Variants in GATA5 observed in about 807,000 individuals in gnomAD.
GATA5 encodes the protein transcription factor GATA-5.
A neutral mutation model predicts 35.0 loss-of-function variants in GATA5; 27 were observed. That is an observed-to-expected ratio of 0.77 (90% CI 0.57 to 1.06). The LOEUF (loss-of-function observed/expected upper bound fraction) is 1.06, where lower values mean the gene tolerates loss of function less well. Ranked by LOEUF, GATA5 falls within the 50% of genes least tolerant of loss-of-function variation. The pLI is 0.00. For missense variants in GATA5, 612 were observed against 580.0 expected (o/e 1.06, Z -0.57); for synonymous variants, 306 against 267.8 (o/e 1.14, Z -1.39).
In GATA5 at chr20:62,475,135, C is replaced by A; in HGVS notation, c.387G>T (p.Pro129=). Residue 129 remains proline, a synonymous_variant, in exon 2 of 7, where the codon CCG becomes CCT. Transcript: ENST00000252997. ...ALLPREQFAA[P]LGRPVGTSYS... The stretch of plus-strand genomic sequence containing the variant: ...ACGAGGTCCCCACCGGCCGCCCAAG[C>A]GGGGCCGCGAACTGTTCTCGAGGCA... The A allele has an allele frequency of 7.3e-7, 1 of 1,365,408 alleles. No individual in the cohort carries two copies. Among genetic ancestry groups the A allele is most frequent in the Non-Finnish European group, 9.5e-7 (1 of 1,056,524 alleles). The allele number at this position is 1,365,408 out of a possible 1,614,324, so 84.6% of individuals were successfully genotyped here. A position where few individuals can be genotyped will look rare whatever the true frequency, so the allele number is the denominator to read the frequency against.
chr20:62,466,464 CG>C lies in GATA5; in HGVS notation c.786del (p.Val263CysfsTer9). The C allele has an allele frequency of 6.3e-7, 1 of 1,583,396 alleles. No individual in the cohort carries two copies. The highest frequency in any genetic ancestry group is 1.2e-5 in the South Asian group (1 of 86,732). On this transcript the variant is annotated frameshift_variant, in exon 4 of 7. Transcript: ENST00000252997. LOFTEE classifies it high-confidence loss of function. The stretch of plus-strand genomic sequence containing the variant: ...ATGTAGAGGCCGCAGGCATTGCACA[CG>C]GGCTCCCCCTCCGAGTTCCGCCGCC... ...TLWRRNSEGEPVCNACGLYMK... is the reference protein window; with the variant it reads ...TLWRRNSEGEXVCNACGLYMK...
chr20:62,471,982 G>A (rs1989734413), intron 3 of GATA5, among the ~76,000 whole-genome samples: 2 of 151,092 alleles, frequency 1.3e-5, no homozygotes, highest in South Asian at 2.1e-4. Context: ...CTGAGCTTAA[G>A]CAATCCTCCT....
rs1424315922 is a variant in GATA5 at position 62,464,553 on chromosome 20, G to A, written c.*283C>T. On this transcript the variant is annotated 3_prime_UTR_variant, in exon 7 of 7. Coordinates refer to ENST00000252997, the MANE Select transcript of GATA5 (RefSeq NM_080473.5). ...GTGGTGCCCTGCGTTGGCCTCCGCC[G>A]CAGGGGGCCAGTGTGGTCCGGAGCC... The A allele has an allele frequency of 2.9e-5, 9 of 314,018 alleles. No individual in the cohort carries two copies. Among genetic ancestry groups the A allele is most frequent in the African/African-American group, 6.5e-5 (3 of 46,466 alleles). The allele number at this position is 314,018 out of a possible 1,614,324, so 19.5% of individuals were successfully genotyped here.
chr20:62,473,321 C>T, intron 3 of GATA5, 82 bp downstream of exon 3: 1 of 1,455,636 alleles, frequency 6.9e-7, no homozygotes, highest in African/African-American at 1.4e-5. Context: ...CCCAGGGGCT[C>T]TGGTGTCACC....
intron 2 of GATA5, 78 bp downstream of exon 2, chr20:62,474,921 G>T: frequency 8.5e-7 from 1 of 1,179,388 alleles, no homozygotes; most frequent in Non-Finnish European, 1.1e-6. Flanking sequence ...AGGATGAGGG[G>T]AGCGTTTCGC....
Position 62,464,890 on chromosome 20 carries a change from A to G in GATA5, c.1140T>C (p.Ala380=), listed in dbSNP as rs782818698. Residue 380 remains alanine (A), a synonymous_variant, in exon 7 of 7, where the codon GCT becomes GCC. Transcript: ENST00000252997. ...CTTGGCGCAGAGCCCCCCTGAGGCCAGCCTGGGGGCTTGGGGCCGTGGAGG... is the reference window on the plus strand; with the variant it reads ...CTTGGCGCAGAGCCCCCCTGAGGCCGGCCTGGGGGCTTGGGGCCGTGGAGG... ...AFPSTAPSPQ[A]GLRGALRQEA... is the part of the protein sequence containing the mutation. The G allele has an allele frequency of 2.5e-6, 4 of 1,610,806 alleles. No homozygotes were observed. The highest frequency in any genetic ancestry group is 1.3e-5 in the African/African-American group (1 of 74,822).
At chr20:62,471,100 C>T (rs917658044) in intron 3 of GATA5, among the ~76,000 whole-genome samples, 3 of 152,160 alleles carry the variant, frequency 2.0e-5, no homozygotes, top group South Asian at 2.1e-4. Flanking sequence ...GAACTGTCTA[C>T]GAGATGCCCC....
At chr20:62,472,036 G>A (rs782386498) in intron 3 of GATA5, among the ~76,000 whole-genome samples, 3 of 151,798 alleles carry the variant, frequency 2.0e-5, no homozygotes, top group Non-Finnish European at 4.4e-5. Flanking sequence ...ATGAGCCACC[G>A]TGCCTGGCCC....
intron 3 of GATA5, among the ~76,000 whole-genome samples, chr20:62,468,519 G>C (rs1989648533): frequency 6.6e-6 from 1 of 152,264 alleles, no homozygotes; most frequent in Non-Finnish European, 1.5e-5. Flanking sequence ...CACAGCTGCA[G>C]GCAGTTGCCA....
rs1207033950 is a variant in GATA5 at position 62,473,429 on chromosome 20, G to A, written c.673C>T (p.Pro225Ser). Residue 225 changes from proline to serine, a missense_variant, in exon 3 of 7, where the codon CCG (proline) becomes TCG (serine). Coordinates refer to ENST00000252997, the MANE Select transcript of GATA5 (RefSeq NM_080473.5). ...LYHKMNGVNR[P>S]LVRPQKRLSS... ...AGGCGCTTCTGAGGCCGAACGAGCGGCCGGTTGACGCCATTCATCTTGTGG... is the reference window on the plus strand; with the variant it reads ...AGGCGCTTCTGAGGCCGAACGAGCGACCGGTTGACGCCATTCATCTTGTGG... The A allele has an allele frequency of 6.2e-7, 1 of 1,609,604 alleles. No individual in the cohort carries two copies. The highest frequency in any genetic ancestry group is 8.5e-7 in the Non-Finnish European group (1 of 1,178,608).
chr20:62,467,050 T>G (rs546761182), intron 3 of GATA5, among the ~76,000 whole-genome samples: 3 of 152,224 alleles, frequency 2.0e-5, no homozygotes, highest in African/African-American at 4.8e-5. Flanking sequence ...CACCTGCCTA[T>G]GTCTCCCCAT....
At position 62,466,432 on chromosome 20, in the gene GATA5, C is replaced by T. The variant is rs782032625; in HGVS notation, c.819G>A (p.Leu273=). ...VCNACGLYMK[L]HGVPRPLAMK... ...CCCCGGGGACCACACTCACCCCGTG[C>T]AGCTTCATGTAGAGGCCGCAGGCAT... Residue 273 remains leucine (L), a synonymous_variant, in exon 4 of 7, where the codon CTG becomes CTA. Coordinates refer to ENST00000252997, the MANE Select transcript of GATA5 (RefSeq NM_080473.5). 6.3e-7 allele frequency: 1 copy of T among 1,585,980 alleles called. No homozygotes were observed. The highest frequency in any genetic ancestry group is 8.6e-7 in the Non-Finnish European group (1 of 1,166,596).
rs782603876 is a variant in GATA5, at chr20:62,466,116, C to T, written c.826-195G>A. ...GGAGCTGGATTCCCATTCCCCCGTC[C>T]GACAGAGCTGCCAGGGGCCAGAAGG... On this transcript the variant is annotated intron_variant, in intron 4 of 6. Coordinates refer to ENST00000252997, the MANE Select transcript of GATA5 (RefSeq NM_080473.5). 3.3e-5 allele frequency among the ~76,000 whole-genome samples: 5 copies of T among 152,320 alleles called. No homozygotes were observed. The East Asian group carries it at 5.8e-4, about 18-fold the overall frequency.
intron 3 of GATA5, among the ~76,000 whole-genome samples, chr20:62,471,799 G>T (rs1233090703): frequency 1.4e-4 from 21 of 151,782 alleles, no homozygotes; most frequent in Admixed American, 1.0e-3. Flanking sequence ...TGTGATCATA[G>T]CTTACTATAC....
chr20:62,474,836 G>T (rs181202272), intron 2 of GATA5, among the ~76,000 whole-genome samples, 163 bp downstream of exon 2: 8 of 152,386 alleles, frequency 5.2e-5, no homozygotes, highest in Admixed American at 5.2e-4. Flanking sequence ...CCCGTGCGGG[G>T]TGTTACCCAG....
Position 62,475,320 on chromosome 20 carries a change from C to A in GATA5, c.202G>T (p.Ala68Ser). ...LAARPGWAQT[A>S]TADSSAFGPG... ...CCGAAGGCCGACGAATCCGCGGTGG[C>A]TGTCTGCGCCCAGCCGGGGCGCGCA... The change falls in exon 2 of 7, where the codon GCC (alanine) becomes TCC (serine). Residue 68 changes from alanine (A) to serine (S), a missense_variant. Physicochemically the swap from Ala to Ser is moderately conservative, Grantham distance 99 (BLOSUM62 1). Coordinates refer to ENST00000252997, the MANE Select transcript of GATA5 (RefSeq NM_080473.5). The A allele has an allele frequency of 8.0e-7, 1 of 1,251,568 alleles. No individual in the cohort carries two copies. The highest frequency in any genetic ancestry group is 3.2e-5 in the East Asian group (1 of 31,718). 77.5% of individuals were successfully genotyped at this position (1,251,568 alleles called of 1,614,324 possible). A position where few individuals can be genotyped will look rare whatever the true frequency, so the allele number is the denominator to read the frequency against.
intron 3 of GATA5, among the ~76,000 whole-genome samples, chr20:62,471,201 G>T (rs2146485910): frequency 6.6e-6 from 1 of 152,070 alleles, no homozygotes; most frequent in South Asian, 2.1e-4. Flanking sequence ...CTCCCTCCTA[G>T]CAGCTCCTCC....
chr20:62,465,956 T>C (rs199916978), intron 4 of GATA5, 35 bp from the exon 5 acceptor site: 9 of 1,462,558 alleles, frequency 6.2e-6, no homozygotes, highest in Admixed American at 1.9e-5. Flanking sequence ...GCTGGTCCCA[T>C]CCCTGCTCAC....
Position 62,463,609 on chromosome 20 carries a change from T to C in GATA5, c.*1227A>G, listed in dbSNP as rs984327370. 7.0e-6 allele frequency: 1 copy of C among 142,674 alleles called. No individual in the cohort carries two copies. The highest frequency in any genetic ancestry group is 2.4e-5 in the African/African-American group (1 of 40,884). 8.8% of individuals were successfully genotyped at this position (142,674 alleles called of 1,614,324 possible). A position where few individuals can be genotyped will look rare whatever the true frequency, so the allele number is the denominator to read the frequency against. On this transcript the variant is annotated 3_prime_UTR_variant, in exon 7 of 7. Transcript: ENST00000252997. ...AACCTCTGGAGGGACAGTTTCAGAA[T>C]GACCGGACCCGCTCCTGAAGCTGAT...
Sources: allele counts gnomAD v4.1 joint callset (sites outside exome capture counted in the v4.1 genomes callset), GRCh38; gene constraint gnomAD v4.1.1; transcripts MANE v1.5; gene names NCBI Gene and HGNC (gene_info 2026-07-23, HGNC 2026-07-21).